The following LONRF1 variants were observed in gnomAD, a reference collection of about 807,000 sequenced individuals.
LONRF1 encodes the protein LON peptidase N-terminal domain and ring finger 1.
A neutral mutation model predicts 85.8 loss-of-function variants in LONRF1; 37 were observed. The ratio of observed to expected loss-of-function variants is 0.43; its 90% CI spans 0.33 to 0.57. The LOEUF (loss-of-function observed/expected upper bound fraction) is 0.57. Ranked by LOEUF, LONRF1 falls within the 20% of genes least tolerant of loss-of-function variation. The pLI, the probability that LONRF1 is intolerant of heterozygous loss-of-function variation, is 0.04. For synonymous variants in LONRF1, 517 were observed against 390.1 expected (o/e 1.33, Z -3.83); for missense variants, 1,036 against 978.0 (o/e 1.06, Z -0.79).
Position 12,722,905 on chromosome 8 carries a change from G to A in LONRF1, c.*191C>T, listed in dbSNP as rs1419544722. ...ACACATTCAATGCGTGTTTTTCTGT[G>A]CAAGTTCTTAGTGGTCTAAATCCTA... On this transcript the variant is annotated 3_prime_UTR_variant, in exon 12 of 12. Coordinates refer to ENST00000398246, the MANE Select transcript of LONRF1 (RefSeq NM_152271.5). 3.7e-6 allele frequency: 2 copies of A among 534,942 alleles called. No homozygotes were observed. Among genetic ancestry groups the A allele is most frequent in the Non-Finnish European group, 6.6e-6 (2 of 304,006 alleles). 33.1% of individuals were successfully genotyped at this position (534,942 alleles called of 1,614,324 possible).
At chr8:12,731,361 C>T (rs1798522497) in intron 8 of LONRF1, among the ~76,000 whole-genome samples, 1 of 152,124 alleles carries the variant, frequency 6.6e-6, no homozygotes, top group African/African-American at 2.4e-5. Context: ...AAATCCCCTG[C>T]TAATCTAGGC....
In LONRF1 at chr8:12,729,279, G is replaced by A; in HGVS notation, c.1742C>T (p.Pro581Leu). The A allele has an allele frequency of 6.2e-7, 1 of 1,613,942 alleles. No individual in the cohort carries two copies. Among genetic ancestry groups the A allele is most frequent in the Non-Finnish European group, 8.5e-7 (1 of 1,179,874 alleles). The change falls in exon 9 of 12, where the codon CCT becomes CTT. Residue 581 changes from proline (P) to leucine (L), a missense_variant. Transcript: ENST00000398246. ...TGGCTCAAATACATGGAGAGGGCAA[G>A]GCACAGTGGGGTAGGCCATAGTGCA... ...FVCTMAYPTV[P>L]CPLHVFEPRY...
intron 5 of LONRF1, 32 bp from the exon 6 acceptor site, chr8:12,736,829 T>C (rs763679613): frequency 6.3e-7 from 1 of 1,586,340 alleles, no homozygotes; most frequent in South Asian, 1.2e-5. Context: ...GTTTTCTTCC[T>C]TAGGAAAAAC....
At chr8:12,728,586 C>T (rs1240142334) in intron 10 of LONRF1, among the ~76,000 whole-genome samples, 1 of 152,198 alleles carries the variant, frequency 6.6e-6, no homozygotes, top group East Asian at 1.9e-4. Context: ...CTTATTCAAC[C>T]ACTATTGTTA....
At chr8:12,730,028 G>T (rs1798468646) in intron 8 of LONRF1, among the ~76,000 whole-genome samples, 1 of 152,144 alleles carries the variant, frequency 6.6e-6, no homozygotes, top group Non-Finnish European at 1.5e-5. Context: ...GGCAGGAAAT[G>T]TTCATGTTCT....
intron 3 of LONRF1, among the ~76,000 whole-genome samples, 163 bp from the exon 4 acceptor site, chr8:12,738,307 T>A (rs1798800025): frequency 6.6e-6 from 1 of 152,096 alleles, no homozygotes; most frequent in African/African-American, 2.4e-5. Flanking sequence ...TCAAAAGTCT[T>A]GCAAAATTAG....
At position 12,737,061 on chromosome 8, in the gene LONRF1, G is replaced by A. The variant is rs746333687; in HGVS notation, c.1193C>T (p.Ser398Leu). 1.2e-6 allele frequency: 2 copies of A among 1,613,644 alleles called. No homozygotes were observed. Among genetic ancestry groups the A allele is most frequent in the African/African-American group, 1.3e-5 (1 of 74,990 alleles). ...NRAQSAQSIN[S>L]TEMPAREDCL... is the part of the protein sequence containing the mutation. ...GTCCTCTCTGGCAGGCATTTCTGTT[G>A]AATTTATAGACTGTGCTGACTGAGC... Residue 398 changes from serine (S) to leucine (L), a missense_variant, in exon 5 of 12, where the codon TCA (serine) becomes TTA (leucine). Physicochemically the swap from Ser to Leu is moderately radical, Grantham distance 145. Coordinates refer to ENST00000398246, the MANE Select transcript of LONRF1 (RefSeq NM_152271.5).
chr8:12,751,071 G>A (rs570518344), intron 1 of LONRF1, among the ~76,000 whole-genome samples: 3 of 152,154 alleles, frequency 2.0e-5, no homozygotes, highest in African/African-American at 4.8e-5. Context: ...GCACAAGGTC[G>A]GAGAGAGGCG....
chr8:12,725,518 CG>C (rs1366434470), intron 11 of LONRF1, among the ~76,000 whole-genome samples: 1 of 152,134 alleles, frequency 6.6e-6, no homozygotes, highest in Non-Finnish European at 1.5e-5. Context: ...TCAGCTGACA[CG>C]TATTTCCAGC....
chr8:12,744,816 G>A (rs970828799), intron 1 of LONRF1, among the ~76,000 whole-genome samples: 2 of 152,104 alleles, frequency 1.3e-5, no homozygotes, highest in Non-Finnish European at 2.9e-5. Context: ...GACAGACTCC[G>A]CTCTAGTACC....
At position 12,725,833 on chromosome 8, in the gene LONRF1, A is replaced by G; in HGVS notation, c.2057T>C (p.Leu686Ser). 6.2e-7 allele frequency: 1 copy of G among 1,613,306 alleles called. No homozygotes were observed. The highest frequency in any genetic ancestry group is 8.5e-7 in the Non-Finnish European group (1 of 1,179,502). The change falls in exon 11 of 12, where the codon TTG becomes TCG. Residue 686 changes from leucine (L) to serine (S), a missense_variant. By Grantham distance (145) the Leu-to-Ser change is moderately radical. Coordinates refer to ENST00000398246, the MANE Select transcript of LONRF1 (RefSeq NM_152271.5). Reference protein sequence around the residue: ...EIKNLRELHDLVYSQACSWFQ... With the variant: ...EIKNLRELHDSVYSQACSWFQ... ...CCAGCTGCAGGCTTGAGAGTAAACC[A>G]AATCATGAAGCTCTCTGAGATTCTT...
At chr8:12,730,828 T>A (rs920648703) in intron 8 of LONRF1, among the ~76,000 whole-genome samples, 9 of 152,196 alleles carry the variant, frequency 5.9e-5, no homozygotes, top group Admixed American at 5.9e-4. Context: ...GATGGGCACA[T>A]GTTGATAAAG....
intron 7 of LONRF1, among the ~76,000 whole-genome samples, chr8:12,733,739 G>T (rs1251472240): frequency 6.6e-6 from 1 of 152,048 alleles, no homozygotes; most frequent in African/African-American, 2.4e-5. Flanking sequence ...GGACTATTAT[G>T]CTGCTATAAA....
intron 10 of LONRF1, among the ~76,000 whole-genome samples, chr8:12,728,177 A>T (rs551747114): frequency 1.3e-5 from 2 of 152,316 alleles, no homozygotes; most frequent in East Asian, 1.9e-4. Flanking sequence ...AATTGCCTTC[A>T]ATTTGGTATT....
intron 1 of LONRF1, among the ~76,000 whole-genome samples, chr8:12,751,181 CCT>C (rs2117350495): frequency 6.6e-6 from 1 of 151,986 alleles, no homozygotes; most frequent in African/African-American, 2.4e-5. Context: ...CCTCAGTTTC[CCT>C]CTGAGGATAA....
intron 8 of LONRF1, among the ~76,000 whole-genome samples, chr8:12,729,947 A>G (rs1280100729): frequency 6.6e-6 from 1 of 152,216 alleles, no homozygotes; most frequent in African/African-American, 2.4e-5. Context: ...AAATGGCAGC[A>G]TGGGGGCACT....
intron 1 of LONRF1, among the ~76,000 whole-genome samples, chr8:12,747,664 G>C (rs1799216281): frequency 6.6e-6 from 1 of 152,170 alleles, no homozygotes; most frequent in Non-Finnish European, 1.5e-5. Context: ...ACAAAAAGTA[G>C]ATTGGTTGTT....
intron 3 of LONRF1, among the ~76,000 whole-genome samples, chr8:12,739,772 T>C (rs1047111313): frequency 6.6e-6 from 1 of 152,162 alleles, no homozygotes. Context: ...CAGAAACACA[T>C]GCTCTTAAAA....
At chr8:12,729,411 T>C in intron 8 of LONRF1, 79 bp from the exon 9 acceptor site, 1 of 1,409,686 alleles carries the variant, frequency 7.1e-7, no homozygotes, top group Non-Finnish European at 9.8e-7. Flanking sequence ...GAGTGAGGTT[T>C]ATAACAGTAA....
Sources: allele counts gnomAD v4.1 joint callset (sites outside exome capture counted in the v4.1 genomes callset), GRCh38; gene constraint gnomAD v4.1.1; transcripts MANE v1.5; gene names NCBI Gene and HGNC (gene_info 2026-07-23, HGNC 2026-07-21).